The following FAT3 variants were observed in gnomAD, a reference collection of about 807,000 sequenced individuals.
The protein encoded by FAT3 is FAT atypical cadherin 3.
In FAT3, 95 loss-of-function variants were observed where a neutral mutation model predicts 310.2. The observed-to-expected ratio is 0.31, with a 90% confidence interval of 0.26 to 0.36. FAT3 has a LOEUF of 0.36. Ranked by LOEUF, FAT3 falls within the 10% of genes least tolerant of loss-of-function variation. The pLI, the probability that FAT3 is intolerant of heterozygous loss-of-function variation, is 1.00. For missense variants in FAT3, 5,408 were observed against 5,715.6 expected, an observed-to-expected ratio of 0.95 and a Z score of 1.74; for synonymous variants, 2,314 against 2,192.9, an observed-to-expected ratio of 1.06 and a Z score of -1.54.
At chr11:92,862,718 C>T (rs1345904241) in intron 21 of FAT3, among the ~76,000 whole-genome samples, 2 of 151,956 alleles carry the variant, frequency 1.3e-5, no homozygotes, top group East Asian at 3.9e-4. Context: ...AAGAATGTCA[C>T]CAAAAAATAA....
At chr11:92,390,422 C>T (rs1949723299) in intron 2 of FAT3, among the ~76,000 whole-genome samples, 1 of 152,098 alleles carries the variant, frequency 6.6e-6, no homozygotes, top group Non-Finnish European at 1.5e-5. Flanking sequence ...CCAGCCTAAA[C>T]CTATTCTCCT....
At chr11:92,756,370 T>C (rs1234696034) in intron 4 of FAT3, among the ~76,000 whole-genome samples, 1 of 152,206 alleles carries the variant, frequency 6.6e-6, no homozygotes, top group Non-Finnish European at 1.5e-5. Context: ...CAAAATAGCT[T>C]ATTGTGCTGA....
chr11:92,554,983 T>A (rs1954966677), intron 3 of FAT3, among the ~76,000 whole-genome samples: 1 of 152,188 alleles, frequency 6.6e-6, no homozygotes, highest in African/African-American at 2.4e-5. Context: ...ACTGTGCTAA[T>A]TTGCCAGTAT....
chr11:92,459,859 C>T (rs1951591162), intron 2 of FAT3, among the ~76,000 whole-genome samples: 1 of 151,924 alleles, frequency 6.6e-6, no homozygotes, highest in African/African-American at 2.4e-5. Flanking sequence ...TGCATTGTTT[C>T]AAATGCTAGT....
intron 2 of FAT3, among the ~76,000 whole-genome samples, chr11:92,452,124 G>T (rs1951370939): frequency 6.6e-6 from 1 of 152,138 alleles, no homozygotes; most frequent in Non-Finnish European, 1.5e-5. Flanking sequence ...TTTGCTTTCA[G>T]CCAATGGGAG....
intron 3 of FAT3, among the ~76,000 whole-genome samples, chr11:92,597,507 T>G (rs1939773584): frequency 1.3e-5 from 2 of 152,174 alleles, no homozygotes; most frequent in Admixed American, 1.3e-4. Context: ...TCTTGGCTCT[T>G]GGAGCCTTAG....
At chr11:92,857,933 A>G (rs965379606) in intron 20 of FAT3, among the ~76,000 whole-genome samples, 1 of 152,190 alleles carries the variant, frequency 6.6e-6, no homozygotes, top group Non-Finnish European at 1.5e-5. Flanking sequence ...CCTGTTTCTG[A>G]TCTTCATTCA....
intron 1 of FAT3, among the ~76,000 whole-genome samples, chr11:92,296,578 G>A (rs1031537965): frequency 3.3e-5 from 5 of 152,186 alleles, no homozygotes; most frequent in African/African-American, 7.2e-5. Flanking sequence ...TGGTGGCCAC[G>A]TGCATGTCAA....
chr11:92,329,064 CTTT>C (rs1267354002), intron 1 of FAT3, among the ~76,000 whole-genome samples: 1 of 150,832 alleles, frequency 6.6e-6, no homozygotes, highest in Admixed American at 6.6e-5. Context: ...AATCCCTCTT[CTTT>C]TATTTTTGAG....
rs115383036 is a variant in FAT3, at chr11:92,520,447, T to C, written c.3293-4187T>C. On this transcript the variant is annotated intron_variant, in intron 2 of 27. Coordinates refer to ENST00000525166, the MANE Select transcript of FAT3 (RefSeq NM_001367949.2). ...TTCATGAAAATCAAAACTTACCAAT[T>C]GTTTGTTTTAGACATGGACAGGTTA... 6.9e-3 allele frequency among the ~76,000 whole-genome samples: 1,051 copies of C among 152,214 alleles called. 10 individuals are homozygous for C. Among genetic ancestry groups the C allele is most frequent in the African/African-American group, 0.024 (999 of 41,548 alleles).
Position 92,358,394 on chromosome 11 carries a change from C to T in FAT3, c.3292+2990C>T, listed in dbSNP as rs369105863. Among the ~76,000 whole-genome samples, 8 of 152,150 alleles carry T rather than the reference C, an allele frequency of 5.3e-5. No individual in the cohort carries two copies. In the East Asian group the frequency reaches 1.5e-3, roughly 29 times the overall value. ...ACATCTCCTCAATCCTAATCCATTGCCCTTTCCTTTCAATTCTTTCATGTT... is the reference window on the plus strand; with the variant it reads ...ACATCTCCTCAATCCTAATCCATTGTCCTTTCCTTTCAATTCTTTCATGTT... On this transcript the variant is annotated intron_variant, in intron 2 of 27. Transcript: ENST00000525166.
intron 2 of FAT3, among the ~76,000 whole-genome samples, chr11:92,393,123 C>G (rs1057443187): frequency 6.6e-6 from 1 of 152,136 alleles, no homozygotes; most frequent in Non-Finnish European, 1.5e-5. Flanking sequence ...CAAAATAATT[C>G]TCTAGCTGCT....
chr11:92,553,531 C>CTGG (rs1954892194), intron 3 of FAT3, among the ~76,000 whole-genome samples: 1 of 152,186 alleles, frequency 6.6e-6, no homozygotes, highest in African/African-American at 2.4e-5. Flanking sequence ...TGTGAGAAGG[C>CTGG]TGGTAGTACA....
chr11:92,857,468 C>G, intron 20 of FAT3, 120 bp downstream of exon 20: 1 of 1,337,234 alleles, frequency 7.5e-7, no homozygotes. Flanking sequence ...CAACCTTTTC[C>G]TTTAGAATGG....
chr11:92,878,659 A>AAAAAAAAAAAAAAC (rs1949596950), intron 22 of FAT3, among the ~76,000 whole-genome samples: 1 of 91,760 alleles, frequency 1.1e-5, no homozygotes, highest in Non-Finnish European at 2.0e-5. Flanking sequence ...AAAAAAAAAA[A>AAAAAAAAAAAAAAC]AAAAAAAAGC....
chr11:92,676,335 C>T (rs915652891), intron 3 of FAT3, among the ~76,000 whole-genome samples: 3 of 152,122 alleles, frequency 2.0e-5, no homozygotes, highest in Non-Finnish European at 2.9e-5. Context: ...TAAGCACATA[C>T]AGTTGGTCTT....
chr11:92,841,391 A>G (rs1948545098), intron 18 of FAT3, among the ~76,000 whole-genome samples: 1 of 152,256 alleles, frequency 6.6e-6, no homozygotes, highest in Non-Finnish European at 1.5e-5. Flanking sequence ...TGTTGCTTAC[A>G]GAGGGCAACC....
chr11:92,819,683 C>T (rs1947910582), intron 13 of FAT3, among the ~76,000 whole-genome samples: 1 of 152,092 alleles, frequency 6.6e-6, no homozygotes, highest in South Asian at 2.1e-4. Flanking sequence ...ATGTGAATTT[C>T]TTTTTATATA....
At chr11:92,470,091 C>T (rs953016229) in intron 2 of FAT3, among the ~76,000 whole-genome samples, 1 of 152,192 alleles carries the variant, frequency 6.6e-6, no homozygotes, top group Non-Finnish European at 1.5e-5. Flanking sequence ...CACACTGATA[C>T]TGTGTGATTA....
Sources: allele counts gnomAD v4.1 joint callset (sites outside exome capture counted in the v4.1 genomes callset), GRCh38; gene constraint gnomAD v4.1.1; transcripts MANE v1.5; gene names NCBI Gene and HGNC (gene_info 2026-07-23, HGNC 2026-07-21).